ARL8B: variants seen among roughly 807,000 people sequenced by gnomAD.
ARL8B encodes ADP-ribosylation factor-like protein 8B.
In ARL8B, 9 loss-of-function variants were observed where a neutral mutation model predicts 30.6. That is an observed-to-expected ratio of 0.29 (90% CI 0.18 to 0.51). ARL8B has a LOEUF of 0.51. Among genes scored for constraint, ARL8B ranks in the 20% least tolerant of loss-of-function variants. The probability of loss-of-function intolerance (pLI) is 0.97; values close to 1 mark genes in which losing one functional copy is unlikely to be tolerated. For synonymous variants in ARL8B, 74 were observed against 76.0 expected (o/e 0.97, Z 0.14); for missense variants, 130 against 227.2 (o/e 0.57, Z 2.75).
At chr3:5,160,762 A>G (rs958872993) in intron 1 of ARL8B, among the ~76,000 whole-genome samples, 2 of 152,236 alleles carry the variant, frequency 1.3e-5, no homozygotes, top group East Asian at 1.9e-4. Flanking sequence ...TATCTGCTGT[A>G]TTCAATTTTC....
intron 1 of ARL8B, among the ~76,000 whole-genome samples, chr3:5,134,893 G>C (rs1020805150): frequency 6.6e-6 from 1 of 152,198 alleles, no homozygotes; most frequent in Non-Finnish European, 1.5e-5. Flanking sequence ...TGTCTCCCAG[G>C]CTGGAGTACA....
intron 1 of ARL8B, among the ~76,000 whole-genome samples, chr3:5,133,311 C>T (rs949104957): frequency 9.9e-5 from 15 of 152,122 alleles, no homozygotes; most frequent in African/African-American, 2.7e-4. Flanking sequence ...TAAGATAAGA[C>T]CTGTGTTTCC....
intron 1 of ARL8B, among the ~76,000 whole-genome samples, chr3:5,127,201 G>T (rs2054238000): frequency 6.6e-6 from 1 of 152,112 alleles, no homozygotes; most frequent in Admixed American, 6.6e-5. Flanking sequence ...GAGGTTAAGT[G>T]GAATTCCAAG....
intron 1 of ARL8B, among the ~76,000 whole-genome samples, chr3:5,168,837 A>G (rs1313431850): frequency 6.6e-6 from 1 of 152,196 alleles, no homozygotes; most frequent in African/African-American, 2.4e-5. Context: ...GTACCTAAAA[A>G]TTTTAGCTAC....
chr3:5,140,593 C>G (rs574596994), intron 1 of ARL8B, among the ~76,000 whole-genome samples: 1 of 150,580 alleles, frequency 6.6e-6, no homozygotes, highest in East Asian at 1.9e-4. Flanking sequence ...ACACGTTAGT[C>G]TTTAACTCTC....
At chr3:5,171,832 T>G (rs1278544769) in intron 2 of ARL8B, among the ~76,000 whole-genome samples, 2 of 152,256 alleles carry the variant, frequency 1.3e-5, no homozygotes, top group African/African-American at 4.8e-5. Context: ...GCTTTTAAAT[T>G]GTTATCATAA....
At chr3:5,126,482 C>T (rs1460309687) in intron 1 of ARL8B, among the ~76,000 whole-genome samples, 3 of 152,134 alleles carry the variant, frequency 2.0e-5, no homozygotes, top group Admixed American at 6.5e-5. Context: ...TAAAATGTCA[C>T]TACATGTGCC....
At chr3:5,149,454 C>T (rs2054458416) in intron 1 of ARL8B, among the ~76,000 whole-genome samples, 1 of 152,136 alleles carries the variant, frequency 6.6e-6, no homozygotes, top group Non-Finnish European at 1.5e-5. Context: ...GACTTGGAGA[C>T]ACCATCCCGT....
chr3:5,172,128 A>G (rs1412987772), intron 2 of ARL8B, 22 bp from the exon 3 acceptor site: 1 of 1,594,440 alleles, frequency 6.3e-7, no homozygotes, highest in Non-Finnish European at 8.6e-7. Context: ...TTTATTAAGA[A>G]TTGCCTTGTT....
At chr3:5,164,302 T>C (rs2054606300) in intron 1 of ARL8B, among the ~76,000 whole-genome samples, 1 of 152,242 alleles carries the variant, frequency 6.6e-6, no homozygotes. Flanking sequence ...TTACTATTAT[T>C]ATTACTGTAG....
intron 1 of ARL8B, among the ~76,000 whole-genome samples, chr3:5,149,685 C>G (rs2054462607): frequency 6.6e-6 from 1 of 152,150 alleles, no homozygotes; most frequent in African/African-American, 2.4e-5. Flanking sequence ...ATGGGCTGAC[C>G]CCTCTTCTAC....
intron 1 of ARL8B, among the ~76,000 whole-genome samples, chr3:5,138,104 C>T (rs752619901): frequency 3.8e-4 from 56 of 148,300 alleles, no homozygotes; most frequent in Non-Finnish European, 6.7e-4. Flanking sequence ...GAAAAATTTA[C>T]TGGTTTATTT....
intron 1 of ARL8B, among the ~76,000 whole-genome samples, chr3:5,136,865 G>A (rs2054330233): frequency 6.6e-6 from 1 of 152,048 alleles, no homozygotes; most frequent in Non-Finnish European, 1.5e-5. Flanking sequence ...CTTACTCATC[G>A]TTCAGGTCCC....
At chr3:5,160,997 T>G (rs1221146016) in intron 1 of ARL8B, among the ~76,000 whole-genome samples, 6 of 152,198 alleles carry the variant, frequency 3.9e-5, no homozygotes, top group Non-Finnish European at 8.8e-5. Flanking sequence ...CAGCTCACTC[T>G]AACCTCTGCC....
At chr3:5,178,603 G>A in intron 6 of ARL8B, 61 bp from the exon 7 acceptor site, 1 of 1,512,788 alleles carries the variant, frequency 6.6e-7, no homozygotes. Flanking sequence ...TTTAAATATT[G>A]TCTCTGTTTG....
chr3:5,136,891 T>G (rs924039063), intron 1 of ARL8B, among the ~76,000 whole-genome samples: 1 of 152,178 alleles, frequency 6.6e-6, no homozygotes, highest in Non-Finnish European at 1.5e-5. Flanking sequence ...TGTAAAACTT[T>G]GCCCTAACTC....
chr3:5,158,786 A>T (rs757351346), intron 1 of ARL8B, among the ~76,000 whole-genome samples: 9 of 152,200 alleles, frequency 5.9e-5, no homozygotes, highest in African/African-American at 7.2e-5. Context: ...TAGGCTTTAT[A>T]AATGACATTT....
intron 4 of ARL8B, among the ~76,000 whole-genome samples, chr3:5,173,205 C>T (rs2054692292): frequency 6.6e-6 from 1 of 152,054 alleles, no homozygotes; most frequent in African/African-American, 2.4e-5. Flanking sequence ...CCAAGGGATA[C>T]ATACAAATGT....
At chr3:5,146,002 G>A (rs1417004509) in intron 1 of ARL8B, among the ~76,000 whole-genome samples, 4 of 152,152 alleles carry the variant, frequency 2.6e-5, no homozygotes, top group Non-Finnish European at 5.9e-5. Flanking sequence ...CCTCTCCCCA[G>A]AAATTAAAAG....
Sources: gnomAD v4.1 joint callset for allele counts (sites outside exome capture counted in the v4.1 genomes callset) on GRCh38, gnomAD v4.1.1 for gene constraint, MANE v1.5 for transcripts, NCBI Gene and HGNC (gene_info 2026-07-23, HGNC 2026-07-21) for gene names.